NRXN3: variants seen among roughly 807,000 people sequenced by gnomAD.
The protein encoded by NRXN3 is neurexin III.
Under a neutral mutation model 137.6 loss-of-function variants are expected in NRXN3, and 32 were observed. The observed-to-expected ratio is 0.23, with a 90% CI of 0.18 to 0.31. The LOEUF (loss-of-function observed/expected upper bound fraction) is 0.31. NRXN3 is among the 10% of genes least tolerant of loss of function. The pLI is 1.00. For synonymous variants in NRXN3, 798 were observed against 784.5 expected (o/e 1.02, Z -0.29); for missense variants, 1,574 against 2,062.5 (o/e 0.76, Z 4.59).
chr14:79,501,701 A>G (rs2096827685), intron 16 of NRXN3, among the ~76,000 whole-genome samples: 1 of 151,650 alleles, frequency 6.6e-6, no homozygotes, highest in Non-Finnish European at 1.5e-5. Flanking sequence ...CCTGATTCCT[A>G]CAACCAAATT....
chr14:78,720,085 G>T (rs2098452713), intron 8 of NRXN3, among the ~76,000 whole-genome samples: 1 of 151,862 alleles, frequency 6.6e-6, no homozygotes, highest in South Asian at 2.1e-4. Context: ...ATACTAGATG[G>T]TTATTAAATG....
chr14:79,779,195 C>A (rs2099106406), intron 19 of NRXN3, among the ~76,000 whole-genome samples: 1 of 152,200 alleles, frequency 6.6e-6, no homozygotes, highest in Non-Finnish European at 1.5e-5. Flanking sequence ...CTCACCGCAA[C>A]CTCTACCTCC....
intron 19 of NRXN3, among the ~76,000 whole-genome samples, chr14:79,757,361 G>A (rs573054428): frequency 3.3e-5 from 5 of 152,218 alleles, no homozygotes; most frequent in South Asian, 2.1e-4. Context: ...TGTTATCATC[G>A]TCCTGATGAT....
intron 15 of NRXN3, among the ~76,000 whole-genome samples, chr14:79,272,944 G>A (rs145726028): frequency 0.027 from 4,073 of 152,154 alleles, 199 homozygotes; most frequent in African/African-American, 0.093. Context: ...AGGCCAAGAC[G>A]AGCGGATCAC....
At chr14:79,151,070 G>C (rs964884522) in intron 15 of NRXN3, among the ~76,000 whole-genome samples, 3 of 152,038 alleles carry the variant, frequency 2.0e-5, no homozygotes, top group Admixed American at 2.0e-4. Context: ...TTTAGGTCTT[G>C]ATACTAACTA....
chr14:79,405,814 A>T (rs1282915519), intron 15 of NRXN3, among the ~76,000 whole-genome samples: 1 of 152,088 alleles, frequency 6.6e-6, no homozygotes, highest in Non-Finnish European at 1.5e-5. Flanking sequence ...TCTTCTTGTG[A>T]TTCTTATTAG....
intron 15 of NRXN3, among the ~76,000 whole-genome samples, chr14:79,173,530 C>CAAAAAAAAAAAAAAAAAAA (rs57188919): frequency 1.1e-5 from 1 of 91,028 alleles, no homozygotes; most frequent in Non-Finnish European, 2.1e-5. Flanking sequence ...GACCTTGTCT[C>CAAAAAAAAAAAAAAAAAAA]AAAAAAAAAA....
Position 79,862,773 on chromosome 14 carries a change from G to C in NRXN3, c.*809G>C, listed in dbSNP as rs2099415523. ...ACATAGCAAAATTCATGTGACGGAT[G>C]ATAAATTGATTCGAAAAGCTGGTCC... On this transcript the variant is annotated 3_prime_UTR_variant, in exon 21 of 21. Transcript: ENST00000335750. The C allele has an allele frequency of 6.6e-6, 1 of 152,618 alleles. No homozygotes were observed. The highest frequency in any genetic ancestry group is 1.5e-5 in the Non-Finnish European group (1 of 68,046). The allele number at this position is 152,618 out of a possible 1,614,324, so 9.5% of individuals were successfully genotyped here.
chr14:78,698,606 A>T (rs1295110849), intron 6 of NRXN3, among the ~76,000 whole-genome samples: 1 of 151,932 alleles, frequency 6.6e-6, no homozygotes. Context: ...CGTGCCTCAG[A>T]GTGGGAGGTA....
At chr14:78,548,975 C>G (rs1297731802) in intron 4 of NRXN3, among the ~76,000 whole-genome samples, 1 of 152,136 alleles carries the variant, frequency 6.6e-6, no homozygotes, top group Non-Finnish European at 1.5e-5. Flanking sequence ...GACATCTGCC[C>G]CAACGAAATC....
intron 19 of NRXN3, among the ~76,000 whole-genome samples, chr14:79,717,854 G>T (rs1047616181): frequency 6.6e-6 from 1 of 152,156 alleles, no homozygotes; most frequent in Non-Finnish European, 1.5e-5. Context: ...ATCTAAAGGA[G>T]TGGACCATCC....
chr14:78,314,942 TCTTCCTTCCTTCCTTC>T (rs1174374621), intron 4 of NRXN3, among the ~76,000 whole-genome samples: 1 of 60,650 alleles, frequency 1.6e-5, no homozygotes, highest in Non-Finnish European at 3.2e-5. Flanking sequence ...TTTCTTTCTT[TCTTCCTTCCTTCCTTC>T]CTTCCTTCCT....
At chr14:78,778,005 C>T (rs770801232) in intron 8 of NRXN3, among the ~76,000 whole-genome samples, 45 of 152,238 alleles carry the variant, frequency 3.0e-4, no homozygotes, top group South Asian at 6.2e-4. Flanking sequence ...TCAAGTGATC[C>T]GCCCACCTCA....
intron 15 of NRXN3, among the ~76,000 whole-genome samples, chr14:79,053,626 G>T (rs979711785): frequency 4.0e-4 from 8 of 20,136 alleles, no homozygotes; most frequent in Admixed American, 2.5e-3. Flanking sequence ...TGTATGCCGT[G>T]TGTGTGTGTT....
chr14:78,780,481 G>A (rs1297437546), intron 8 of NRXN3, among the ~76,000 whole-genome samples: 3 of 152,012 alleles, frequency 2.0e-5, no homozygotes, highest in East Asian at 3.9e-4. Context: ...TAAAACTTAT[G>A]TTCCAGAAAG....
At chr14:79,572,321 G>A (rs547897824) in intron 16 of NRXN3, among the ~76,000 whole-genome samples, 1 of 152,234 alleles carries the variant, frequency 6.6e-6, no homozygotes, top group South Asian at 2.1e-4. Context: ...AGTAGTATCT[G>A]CAAATAATAT....
intron 4 of NRXN3, among the ~76,000 whole-genome samples, chr14:78,510,269 A>T (rs73322399): frequency 6.6e-6 from 1 of 151,976 alleles, no homozygotes; most frequent in East Asian, 1.9e-4. Flanking sequence ...AAAGTACTTT[A>T]GTCTGGCATG....
At chr14:79,365,874 T>C (rs1026751624) in intron 15 of NRXN3, among the ~76,000 whole-genome samples, 2 of 152,126 alleles carry the variant, frequency 1.3e-5, no homozygotes, top group African/African-American at 4.8e-5. Context: ...ATAATGTATG[T>C]TAAAATTGAT....
At chr14:78,627,626 TC>T (rs1402504293) in intron 4 of NRXN3, among the ~76,000 whole-genome samples, 1 of 152,182 alleles carries the variant, frequency 6.6e-6, no homozygotes, top group Non-Finnish European at 1.5e-5. Context: ...ATCAAAGTTG[TC>T]CCCTGTTAAT....
Sources: allele counts gnomAD v4.1 joint callset (sites outside exome capture counted in the v4.1 genomes callset), GRCh38; gene constraint gnomAD v4.1.1; transcripts MANE v1.5; gene names NCBI Gene and HGNC (gene_info 2026-07-23, HGNC 2026-07-21).